The following RFNG variants were observed in gnomAD, a reference collection of about 807,000 sequenced individuals.
RFNG encodes RFNG O-fucosylpeptide 3-beta-N-acetylglucosaminyltransferase.
In RFNG, 37 loss-of-function variants were observed where a neutral mutation model predicts 29.6. The ratio of observed to expected loss-of-function variants is 1.25; its 90% CI spans 0.96 to 1.65. The LOEUF (loss-of-function observed/expected upper bound fraction) is 1.65. Among genes scored for constraint, RFNG ranks in the 40% most tolerant of loss-of-function variants. The pLI, the probability that RFNG is intolerant of heterozygous loss-of-function variation, is 0.00. For missense variants in RFNG, 546 were observed against 457.0 expected, an observed-to-expected ratio of 1.19 and a Z score of -1.78; for synonymous variants, 276 against 197.3, an observed-to-expected ratio of 1.40 and a Z score of -3.34.
rs1027817427 is a variant in RFNG, at chr17:82,049,031, C to A, written c.914G>T (p.Arg305Leu). Reference protein sequence around the residue: ...GGFSLHQDPTRFKSIHCLLYP... With the variant: ...GGFSLHQDPTLFKSIHCLLYP... ...CCTGCCCATGCCACTACCTACTCACCGTGTGGGGTCTTGATGCAGGCTGAA... is the reference window on the plus strand; with the variant it reads ...CCTGCCCATGCCACTACCTACTCACAGTGTGGGGTCTTGATGCAGGCTGAA... Residue 305 changes from arginine to leucine, a missense_variant and splice_region_variant, in exon 7 of 8, where the codon CGG becomes CTG. Transcript: ENST00000310496. 2 of 1,612,900 alleles carry A rather than the reference C, an allele frequency of 1.2e-6. No homozygotes were observed. Among genetic ancestry groups the A allele is most frequent in the Non-Finnish European group, 1.7e-6 (2 of 1,179,810 alleles).
Position 82,049,742 on chromosome 17 carries a change from T to TGTGCAGCAGGCGGGCGCC in RFNG, c.745_762dup (p.Gly249_His254dup). The TGTGCAGCAGGCGGGCGCC allele has an allele frequency of 6.6e-7, 1 of 1,519,096 alleles. No homozygotes were observed. Among genetic ancestry groups the TGTGCAGCAGGCGGGCGCC allele is most frequent in the Non-Finnish European group, 8.8e-7 (1 of 1,136,874 alleles). 94.1% of individuals were successfully genotyped at this position (1,519,096 alleles called of 1,614,324 possible). On this transcript the variant is annotated inframe_insertion, in exon 6 of 8. Coordinates refer to ENST00000310496, the MANE Select transcript of RFNG (RefSeq NM_002917.2). ...TCCAGGTGAGAGTGGAAGAGGGGGC[T>TGTGCAGCAGGCGGGCGCC]GTGCAGCAGGCGGGCGCCCAGGAGC...
rs1004391283 is a variant in RFNG, at chr17:82,051,140, G to A, written c.316+154C>T. 8.4e-6 allele frequency: 11 copies of A among 1,317,294 alleles called. No individual in the cohort carries two copies. In the Admixed American group the frequency reaches 1.9e-4, roughly 23 times the overall value. The allele number at this position is 1,317,294 out of a possible 1,614,324, so 81.6% of individuals were successfully genotyped here. A position where few individuals can be genotyped will look rare whatever the true frequency, so the allele number is the denominator to read the frequency against. On this transcript the variant is annotated intron_variant, in intron 2 of 7. Transcript: ENST00000310496. The surrounding 1 kb of genome is among the most constrained non-coding windows in gnomAD (Gnocchi z 4.1). ...GCTTGGCTGGCAGGGTGGGCCCTCC[G>A]CAGGCCGCGTGACCTGGGCAGCGTC...
Position 82,049,002 on chromosome 17 carries a change from A to G in RFNG, c.914+29T>C, listed in dbSNP as rs549333049. 9.4e-5 allele frequency: 151 copies of G among 1,603,482 alleles called. No individual in the cohort carries two copies. The African/African-American group carries it at 1.9e-3, about 20-fold the overall frequency. On this transcript the variant is annotated intron_variant, in intron 7 of 7. Transcript: ENST00000310496. Reference sequence around the variant, plus strand: ...TGATGCCAGAGCCCCTGCGGGGCCGAGGGCCTGCCCATGCCACTACCTACT... The same window carrying G: ...TGATGCCAGAGCCCCTGCGGGGCCGGGGGCCTGCCCATGCCACTACCTACT...
Position 82,050,547 on chromosome 17 carries a change from C to A in RFNG, c.428G>T (p.Cys143Phe). Residue 143 changes from cysteine to phenylalanine, a missense_variant, in exon 4 of 8, where the codon TGC becomes TTC. Transcript: ENST00000310496. ...CACATAATTGTCATCATCCACGTGG[C>A]AAAACCACCTGTGGGCGAGGGGAGT... ...KFIESGRKWF[C>F]HVDDDNYVNA... 6.2e-7 allele frequency: 1 copy of A among 1,611,244 alleles called. No individual in the cohort carries two copies. The highest frequency in any genetic ancestry group is 8.5e-7 in the Non-Finnish European group (1 of 1,178,670).
At chr17:82,049,552 C>A in intron 6 of RFNG, 125 bp downstream of exon 6, 2 of 1,168,294 alleles carry the variant, frequency 1.7e-6, no homozygotes, top group Non-Finnish European at 1.2e-6. Context: ...CAGGGTCCAC[C>A]CCCAGCCACA....
At position 82,048,432 on chromosome 17, in the gene RFNG, A is replaced by T. The variant is rs1186962787; in HGVS notation, c.*294T>A. On this transcript the variant is annotated 3_prime_UTR_variant, in exon 8 of 8. Coordinates refer to ENST00000310496, the MANE Select transcript of RFNG (RefSeq NM_002917.2). ...GATGGCAGCTCCCTCCCAGGTGCGC[A>T]AGTGCTGGGGTGGAAGCCTGTTCCC... 2.3e-6 allele frequency: 1 copy of T among 442,302 alleles called. No homozygotes were observed. The highest frequency in any genetic ancestry group is 4.3e-5 in the East Asian group (1 of 23,398). 27.4% of individuals were successfully genotyped at this position (442,302 alleles called of 1,614,324 possible).
Position 82,048,461 on chromosome 17 carries a change from G to C in RFNG, c.*265C>G. 1.9e-6 allele frequency: 1 copy of C among 518,934 alleles called. No homozygotes were observed. Among genetic ancestry groups the C allele is most frequent in the South Asian group, 2.1e-5 (1 of 47,656 alleles). 32.1% of individuals were successfully genotyped at this position (518,934 alleles called of 1,614,324 possible). ...GCTGGGGTGGAAGCCTGTTCCCGTG[G>C]GATCAACCTTGGGGCTGGGTCGGGG... On this transcript the variant is annotated 3_prime_UTR_variant, in exon 8 of 8. Coordinates refer to ENST00000310496, the MANE Select transcript of RFNG (RefSeq NM_002917.2).
Position 82,049,757 on chromosome 17 carries a change from C to A in RFNG, c.748G>T (p.Ala250Ser). ...VGYIVEGLLG[A>S]RLLHSPLFHS... ...AAGAGGGGGCTGTGCAGCAGGCGGG[C>A]GCCCAGGAGCCCCTCCACGATGTAG... The change falls in exon 6 of 8, where the codon GCC becomes TCC. Residue 250 changes from alanine to serine, a missense_variant. Transcript: ENST00000310496. 1 of 1,522,022 alleles carries A rather than the reference C, an allele frequency of 6.6e-7. No homozygotes were observed. The highest frequency in any genetic ancestry group is 8.8e-7 in the Non-Finnish European group (1 of 1,138,276). The allele number at this position is 1,522,022 out of a possible 1,614,324, so 94.3% of individuals were successfully genotyped here. A position where few individuals can be genotyped will look rare whatever the true frequency, so the allele number is the denominator to read the frequency against.
At position 82,050,416 on chromosome 17, in the gene RFNG, G is replaced by A. The variant is rs761090207; in HGVS notation, c.559C>T (p.Gln187Ter). ...CCGACACTCACAGTTCTGCCACCCTGGACCCTCTCGGTGGCCTCAATGGGG... is the reference window on the plus strand; with the variant it reads ...CCGACACTCACAGTTCTGCCACCCTAGACCCTCTCGGTGGCCTCAATGGGG... Reference protein sequence around the residue: ...DHPIEATERVQGGRTVTTVKF... With the variant: ...DHPIEATERV Residue 187 changes from glutamine to a stop codon, truncating the protein, a stop_gained, in exon 4 of 8, where the codon CAG (glutamine) becomes TAG (stop). Coordinates refer to ENST00000310496, the MANE Select transcript of RFNG (RefSeq NM_002917.2). LOFTEE classifies it high-confidence loss of function. 4.0e-5 allele frequency: 64 copies of A among 1,591,968 alleles called. No individual in the cohort carries two copies. Among genetic ancestry groups the A allele is most frequent in the Non-Finnish European group, 5.4e-5 (63 of 1,172,274 alleles).
At position 82,051,667 on chromosome 17, in the gene RFNG, C is replaced by A. The variant is rs2030638681; in HGVS notation, c.100G>T (p.Ala34Ser). Residue 34 changes from alanine (A) to serine (S), a missense_variant, in exon 1 of 8, where the codon GCC becomes TCC. By Grantham distance (99) the Ala-to-Ser change is moderately conservative. Coordinates refer to ENST00000310496, the MANE Select transcript of RFNG (RefSeq NM_002917.2). This position sits in a 1 kb window ranked among gnomAD's most constrained non-coding sequence, Gnocchi z 4.1. ...GCCGGGGCGGGGGTCCGGGCCGGGG[C>A]GGGCGCGCGGGGCAGCGGCAGCGGC... ...LLPLPLPRAP[A>S]PARTPAPAPR... The A allele has an allele frequency of 2.0e-6, 2 of 996,940 alleles. No homozygotes were observed. The highest frequency in any genetic ancestry group is 4.5e-5 in the South Asian group (1 of 22,038). The allele number at this position is 996,940 out of a possible 1,614,324, so 61.8% of individuals were successfully genotyped here.
intron 7 of RFNG, 32 bp from the exon 8 acceptor site, chr17:82,048,839 T>C: frequency 1.3e-6 from 2 of 1,588,106 alleles, no homozygotes; most frequent in African/African-American, 2.7e-5. Flanking sequence ...GTCAGGGCCG[T>C]GGGCGGAGAG....
At position 82,050,413 on chromosome 17, in the gene RFNG, C is replaced by T. The variant is rs751005205; in HGVS notation, c.562G>A (p.Gly188Ser). The T allele has an allele frequency of 1.9e-6, 3 of 1,590,168 alleles. No individual in the cohort carries two copies. Among genetic ancestry groups the T allele is most frequent in the Non-Finnish European group, 2.6e-6 (3 of 1,171,400 alleles). ...HPIEATERVQ[G>S]GRTVTTVKFW... ...GCTCCGACACTCACAGTTCTGCCAC[C>T]CTGGACCCTCTCGGTGGCCTCAATG... Residue 188 changes from glycine to serine, a missense_variant, in exon 4 of 8, where the codon GGT (glycine) becomes AGT (serine). By Grantham distance (56) the Gly-to-Ser change is moderately conservative. Transcript: ENST00000310496.
chr17:82,051,465 G>A lies in RFNG; in HGVS notation c.267+35C>T. 7.4e-7 allele frequency: 1 copy of A among 1,346,672 alleles called. No homozygotes were observed. The highest frequency in any genetic ancestry group is 9.6e-7 in the Non-Finnish European group (1 of 1,046,512). 83.4% of individuals were successfully genotyped at this position (1,346,672 alleles called of 1,614,324 possible). On this transcript the variant is annotated intron_variant, in intron 1 of 7. Transcript: ENST00000310496. The surrounding 1 kb of genome is among the most constrained non-coding windows in gnomAD (Gnocchi z 4.1). ...ACCCTGGGAGGCGGGGCGGGTGGGCGTGGGGCTCGCCGTCGGGGTCGGGGT... is the reference window on the plus strand; with the variant it reads ...ACCCTGGGAGGCGGGGCGGGTGGGCATGGGGCTCGCCGTCGGGGTCGGGGT...
Position 82,050,707 on chromosome 17 carries a change from C to A in RFNG, c.374G>T (p.Cys125Phe). The A allele has an allele frequency of 6.2e-7, 1 of 1,613,304 alleles. No individual in the cohort carries two copies. The change falls in exon 3 of 8, where the codon TGC becomes TTC. Residue 125 changes from cysteine to phenylalanine, a missense_variant. Transcript: ENST00000310496. ...CTTGTCATACTCCACGGACATCTTG[C>A]AGCAGAGGGCCTGACGAGTGCGCAC... ...SAVRTRQALC[C>F]KMSVEYDKFI...
chr17:82,049,906 A>ACCCCCACTCACCTGGC lies in RFNG; in HGVS notation c.658_662+11dup. On this transcript the variant is annotated intron_variant, in intron 5 of 7. Coordinates refer to ENST00000310496, the MANE Select transcript of RFNG (RefSeq NM_002917.2). ...TCCGCCTCCCAGCCCGGGCAGCTGG[A>ACCCCCACTCACCTGGC]CCCCCACTCACCTGGCCCATGGGCT... 2 of 1,611,632 alleles carry ACCCCCACTCACCTGGC rather than the reference A, an allele frequency of 1.2e-6. No individual in the cohort carries two copies.
Position 82,051,156 on chromosome 17 carries a change from G to A in RFNG, c.316+138C>T. The A allele has an allele frequency of 1.5e-6, 2 of 1,307,424 alleles. No homozygotes were observed. The highest frequency in any genetic ancestry group is 1.9e-6 in the Non-Finnish European group (2 of 1,027,888). 81.0% of individuals were successfully genotyped at this position (1,307,424 alleles called of 1,614,324 possible). A position where few individuals can be genotyped will look rare whatever the true frequency, so the allele number is the denominator to read the frequency against. On this transcript the variant is annotated intron_variant, in intron 2 of 7. Coordinates refer to ENST00000310496, the MANE Select transcript of RFNG (RefSeq NM_002917.2). This position sits in a 1 kb window ranked among gnomAD's most constrained non-coding sequence, Gnocchi z 4.1. ...GGGCCCTCCGCAGGCCGCGTGACCT[G>A]GGCAGCGTCGGGGCCTCCCCGGGCC...
In RFNG at chr17:82,049,860, A is replaced by G. The variant is rs759277832; in HGVS notation, c.663-18T>C. On this transcript the variant is annotated intron_variant, in intron 5 of 7. Transcript: ENST00000310496. The stretch of plus-strand genomic sequence containing the variant: ...TGCCCAGGCTGGGGGGAGGCCGGTC[A>G]GCACCTTTCAGGTCTCAGCCTCCGC... 6.8e-6 allele frequency: 11 copies of G among 1,610,532 alleles called. No homozygotes were observed. The highest frequency in any genetic ancestry group is 9.3e-6 in the Non-Finnish European group (11 of 1,178,728).
chr17:82,051,797 G>T lies in RFNG; in HGVS notation c.-31C>A, dbSNP rs1178575613. The T allele has an allele frequency of 6.2e-6, 7 of 1,125,886 alleles. No individual in the cohort carries two copies. The highest frequency in any genetic ancestry group is 6.5e-6 in the Non-Finnish European group (6 of 919,808). The allele number at this position is 1,125,886 out of a possible 1,614,324, so 69.7% of individuals were successfully genotyped here. A position where few individuals can be genotyped will look rare whatever the true frequency, so the allele number is the denominator to read the frequency against. ...CGCCGGGACCCCCGGCGCTGCGAGC[G>T]GAGAACCTGGCCGGAGCCGTGGGTG... is the stretch of plus-strand genomic sequence containing the variant. On this transcript the variant is annotated 5_prime_UTR_variant, in exon 1 of 8. Transcript: ENST00000310496. This position sits in a 1 kb window ranked among gnomAD's most constrained non-coding sequence, Gnocchi z 4.1.
chr17:82,049,545 G>T, intron 6 of RFNG, 132 bp downstream of exon 6: 1 of 1,084,654 alleles, frequency 9.2e-7, no homozygotes, highest in Non-Finnish European at 1.4e-6. Flanking sequence ...GCCTGTCCAG[G>T]GTCCACCCCC....
Sources: allele counts gnomAD v4.1 joint callset, GRCh38; gene constraint gnomAD v4.1.1; non-coding constraint Gnocchi (gnomAD v3.1); transcripts MANE v1.5; gene names NCBI Gene and HGNC (gene_info 2026-07-23, HGNC 2026-07-21).